PKNOX2: variants seen among roughly 807,000 people sequenced by gnomAD.
The protein encoded by PKNOX2 is homeobox protein PKNOX2.
Under a neutral mutation model 53.1 loss-of-function variants are expected in PKNOX2, and 14 were observed. That is an observed-to-expected ratio of 0.26 (90% CI 0.17 to 0.41). The LOEUF (loss-of-function observed/expected upper bound fraction) is 0.41, where lower values mean the gene tolerates loss of function less well. PKNOX2 is among the 10% of genes least tolerant of loss of function. The pLI is 1.00. For missense variants in PKNOX2, 496 were observed against 602.8 expected, an observed-to-expected ratio of 0.82 and a Z score of 1.85; for synonymous variants, 257 against 242.8, an observed-to-expected ratio of 1.06 and a Z score of -0.54.
chr11:125,313,866 A>G (rs899278138), intron 2 of PKNOX2, among the ~76,000 whole-genome samples: 3 of 152,238 alleles, frequency 2.0e-5, no homozygotes, highest in Non-Finnish European at 4.4e-5. Context: ...GAGCATTTCC[A>G]TCACCACAGA....
intron 2 of PKNOX2, among the ~76,000 whole-genome samples, chr11:125,298,619 C>T (rs77328948): frequency 1.9e-4 from 29 of 152,260 alleles, no homozygotes; most frequent in Middle Eastern, 3.4e-3. Flanking sequence ...AGTTCTGAGC[C>T]GCTGAAAGGC....
chr11:125,261,507 A>G (rs1944840876), intron 2 of PKNOX2, among the ~76,000 whole-genome samples: 1 of 152,160 alleles, frequency 6.6e-6, no homozygotes, highest in South Asian at 2.1e-4. Context: ...TAAGACTGCA[A>G]ACTTCTGGAC....
intron 2 of PKNOX2, among the ~76,000 whole-genome samples, chr11:125,278,654 A>T (rs1268277882): frequency 6.6e-6 from 1 of 152,202 alleles, no homozygotes; most frequent in Non-Finnish European, 1.5e-5. Flanking sequence ...CTGGATTAGT[A>T]CAATTGATGA....
chr11:125,180,677 C>T (rs1956106489), intron 1 of PKNOX2, among the ~76,000 whole-genome samples: 1 of 152,138 alleles, frequency 6.6e-6, no homozygotes, highest in African/African-American at 2.4e-5. Flanking sequence ...TGACACAGCT[C>T]CTGGGGAAAA....
chr11:125,417,359 A>C (rs1440719644), intron 10 of PKNOX2, among the ~76,000 whole-genome samples: 1 of 152,038 alleles, frequency 6.6e-6, no homozygotes, highest in African/African-American at 2.4e-5. Context: ...CCTGGAGACC[A>C]GGCCCCAGCA....
chr11:125,338,880 G>C (rs534641125), intron 3 of PKNOX2, among the ~76,000 whole-genome samples: 1 of 152,318 alleles, frequency 6.6e-6, no homozygotes, highest in South Asian at 2.1e-4. Context: ...AGGATTCTGT[G>C]CTAAAGGCAG....
At chr11:125,348,696 T>C (rs1427894802) in intron 3 of PKNOX2, among the ~76,000 whole-genome samples, 1 of 152,224 alleles carries the variant, frequency 6.6e-6, no homozygotes, top group Non-Finnish European at 1.5e-5. Context: ...GCCTCTAAAA[T>C]GACCCTGCCT....
intron 7 of PKNOX2, among the ~76,000 whole-genome samples, chr11:125,407,144 C>T (rs143665948): frequency 2.0e-5 from 3 of 152,242 alleles, no homozygotes; most frequent in African/African-American, 7.2e-5. Flanking sequence ...AATCTGGCTG[C>T]CTCTCAGCAC....
Position 125,207,813 on chromosome 11 carries a change from C to G in PKNOX2, c.-200-27232C>G, listed in dbSNP as rs1000454072. ...GCATGGCTGGCTGTGCCAAATGACT[C>G]TTGAATGGAGGAGGAGGCCTCTGGT... On this transcript the variant is annotated intron_variant, in intron 1 of 12. Transcript: ENST00000298282. Among the ~76,000 whole-genome samples, 2 of 151,944 alleles carry G rather than the reference C, an allele frequency of 1.3e-5. 1 individual carries two copies. Among genetic ancestry groups the G allele is most frequent in the Non-Finnish European group, 2.9e-5 (2 of 67,940 alleles).
At chr11:125,268,194 A>G (rs982942689) in intron 2 of PKNOX2, among the ~76,000 whole-genome samples, 8 of 152,172 alleles carry the variant, frequency 5.3e-5, no homozygotes, top group Non-Finnish European at 7.3e-5. Context: ...TCGGCCCCCA[A>G]CGCAGACAGG....
chr11:125,259,563 C>G lies in PKNOX2; in HGVS notation c.-130+24448C>G, dbSNP rs188335014. Among the ~76,000 whole-genome samples, 193 of 152,328 alleles carry G rather than the reference C, an allele frequency of 1.3e-3. 3 individuals carry two copies. Among genetic ancestry groups the G allele is most frequent in the East Asian group, 1.2e-3 (6 of 5,174 alleles). Reference sequence around the variant, plus strand: ...TCCCAGGCTTCCACACCACTGAGGCCTTTTATCCCTGCTCCCCACATGAGG... The same window carrying G: ...TCCCAGGCTTCCACACCACTGAGGCGTTTTATCCCTGCTCCCCACATGAGG... On this transcript the variant is annotated intron_variant, in intron 2 of 12. Transcript: ENST00000298282.
At chr11:125,190,425 C>T (rs1956808423) in intron 1 of PKNOX2, among the ~76,000 whole-genome samples, 2 of 152,214 alleles carry the variant, frequency 1.3e-5, no homozygotes, top group Admixed American at 6.5e-5. Flanking sequence ...CATACTTGTG[C>T]CACTTACTTC....
intron 3 of PKNOX2, among the ~76,000 whole-genome samples, chr11:125,345,547 T>C (rs574962122): frequency 6.6e-6 from 1 of 152,324 alleles, no homozygotes; most frequent in East Asian, 1.9e-4. Flanking sequence ...TGTGTTTCTA[T>C]GTGTGTGTGC....
At position 125,165,596 on chromosome 11, in the gene PKNOX2, G is replaced by A. The variant is rs973162244; in HGVS notation, c.-201+820G>A. 3.9e-5 allele frequency among the ~76,000 whole-genome samples: 6 copies of A among 152,190 alleles called. No individual in the cohort carries two copies. Among genetic ancestry groups the A allele is most frequent in the Admixed American group, 2.6e-4 (4 of 15,290 alleles). ...GTTTGCAGACGGATCAGTGGAGACA[G>A]GGGAACACCGGCGGGGCCCGGGAAG... On this transcript the variant is annotated intron_variant, in intron 1 of 12. Coordinates refer to ENST00000298282, the MANE Select transcript of PKNOX2 (RefSeq NM_001382323.2). The surrounding 1 kb of genome is among the most constrained non-coding windows in gnomAD (Gnocchi z 4.5).
intron 12 of PKNOX2, 85 bp downstream of exon 12, chr11:125,430,226 G>A: frequency 6.8e-7 from 1 of 1,476,174 alleles, no homozygotes; most frequent in Admixed American, 2.1e-5. Flanking sequence ...AAAGATTCAA[G>A]GGCTATCTCC....
intron 1 of PKNOX2, among the ~76,000 whole-genome samples, chr11:125,175,552 C>A (rs1955654859): frequency 6.6e-6 from 1 of 152,236 alleles, no homozygotes; most frequent in Non-Finnish European, 1.5e-5. Flanking sequence ...AGGCTCTGTG[C>A]TGAGCCCTGT....
intron 10 of PKNOX2, among the ~76,000 whole-genome samples, chr11:125,416,302 CAAAAAAAAAAAAAA>C (rs61354494): frequency 1.4e-5 from 1 of 70,458 alleles, no homozygotes; most frequent in South Asian, 6.1e-4. Flanking sequence ...GACGCCGTCT[CAAAAAAAAAAAAAA>C]AAAAAAAAAA....
At chr11:125,177,911 G>T (rs572290486) in intron 1 of PKNOX2, among the ~76,000 whole-genome samples, 1 of 152,354 alleles carries the variant, frequency 6.6e-6, no homozygotes, top group Non-Finnish European at 1.5e-5. Flanking sequence ...ATCAAGGAGG[G>T]CTGTGAAGCA....
intron 10 of PKNOX2, among the ~76,000 whole-genome samples, chr11:125,414,075 C>T (rs1955731364): frequency 6.6e-6 from 1 of 152,172 alleles, no homozygotes; most frequent in African/African-American, 2.4e-5. Context: ...GGTTCATGCC[C>T]CACCCTCTCA....
Sources: gnomAD v4.1 joint callset for allele counts (sites outside exome capture counted in the v4.1 genomes callset) on GRCh38, gnomAD v4.1.1 for gene constraint, Gnocchi (gnomAD v3.1) non-coding constraint, MANE v1.5 for transcripts, NCBI Gene and HGNC (gene_info 2026-07-23, HGNC 2026-07-21) for gene names.